Variants in FHIT observed in about 807,000 individuals in gnomAD.
The protein encoded by FHIT is bis(5'-adenosyl)-triphosphatase.
A neutral mutation model predicts 17.9 loss-of-function variants in FHIT; 19 were observed. That is an observed-to-expected ratio of 1.06 (90% CI 0.74 to 1.56). The LOEUF (loss-of-function observed/expected upper bound fraction) is 1.56. Ranked by LOEUF, FHIT falls within the 40% of genes most tolerant of loss-of-function variation. FHIT has a pLI of 0.00. For synonymous variants in FHIT, 81 were observed against 69.7 expected (o/e 1.16, Z -0.81); for missense variants, 248 against 189.2 (o/e 1.31, Z -1.82).
intron 2 of FHIT, among the ~76,000 whole-genome samples, chr3:61,192,581 G>A (rs760259406): frequency 1.4e-4 from 21 of 152,254 alleles, no homozygotes; most frequent in South Asian, 8.3e-4. Context: ...CCTATTGTTT[G>A]AACCATTTCA....
intron 5 of FHIT, among the ~76,000 whole-genome samples, chr3:60,283,280 G>A (rs1397718108): frequency 2.0e-5 from 3 of 151,836 alleles, no homozygotes; most frequent in Admixed American, 1.3e-4. Context: ...ATCAGGAAAT[G>A]CTCAACTTTG....
intron 8 of FHIT, among the ~76,000 whole-genome samples, chr3:59,875,123 GAA>G (rs1372278668): frequency 6.6e-6 from 1 of 152,224 alleles, no homozygotes; most frequent in African/African-American, 2.4e-5. Context: ...GTCCAGAGGA[GAA>G]GAGTGCTTTG....
At chr3:60,397,693 T>G (rs1701502269) in intron 5 of FHIT, among the ~76,000 whole-genome samples, 1 of 152,138 alleles carries the variant, frequency 6.6e-6, no homozygotes, top group African/African-American at 2.4e-5. Flanking sequence ...AGGTCCCCAG[T>G]GCAACCCCAC....
intron 4 of FHIT, among the ~76,000 whole-genome samples, chr3:60,759,657 A>C (rs568464660): frequency 1.3e-5 from 2 of 152,320 alleles, no homozygotes; most frequent in East Asian, 1.9e-4. Flanking sequence ...ACTGAAAAAA[A>C]AGTATGTCAC....
intron 5 of FHIT, among the ~76,000 whole-genome samples, chr3:60,206,149 A>AATAGTAATAATAATAATAAT (rs1553712155): frequency 1.1e-5 from 1 of 94,142 alleles, no homozygotes; most frequent in Non-Finnish European, 2.1e-5. Context: ...AAAAAAAAAT[A>AATAGTAATAATAATAATAAT]AATAATAATA....
intron 5 of FHIT, among the ~76,000 whole-genome samples, chr3:60,141,594 G>A (rs1315109240): frequency 6.6e-6 from 1 of 152,096 alleles, no homozygotes; most frequent in East Asian, 1.9e-4. Context: ...TAGCTTCTAA[G>A]TGATATGTCA....
chr3:60,345,650 A>G (rs918403571), intron 5 of FHIT, among the ~76,000 whole-genome samples: 5 of 152,322 alleles, frequency 3.3e-5, no homozygotes, highest in African/African-American at 1.2e-4. Context: ...TATCGTCTCA[A>G]GATAGAAACA....
At chr3:60,780,971 A>G (rs149416706) in intron 4 of FHIT, among the ~76,000 whole-genome samples, 9 of 152,208 alleles carry the variant, frequency 5.9e-5, no homozygotes, top group East Asian at 1.9e-4. Context: ...TTTTCACCCA[A>G]TAAAACCTTG....
chr3:60,008,349 T>G (rs745714078), intron 7 of FHIT, among the ~76,000 whole-genome samples: 1 of 152,200 alleles, frequency 6.6e-6, no homozygotes, highest in African/African-American at 2.4e-5. Context: ...AAAGGAGAGT[T>G]AATAATCAAT....
intron 4 of FHIT, among the ~76,000 whole-genome samples, chr3:60,739,615 C>G (rs1183454398): frequency 2.0e-5 from 3 of 152,146 alleles, no homozygotes; most frequent in Non-Finnish European, 4.4e-5. Flanking sequence ...GATGTTCATC[C>G]CTGGCCTCTA....
At chr3:59,989,159 T>C (rs2687896) in intron 7 of FHIT, among the ~76,000 whole-genome samples, 148,785 of 152,072 alleles carry the variant, frequency 0.98, 72,859 homozygotes, top group East Asian at 1. Flanking sequence ...CAATGGCAGA[T>C]AAATTTCCTT....
In FHIT at chr3:59,802,072, C is replaced by T. The variant is rs531467484; in HGVS notation, c.349-49751G>A. On this transcript the variant is annotated intron_variant, in intron 8 of 9. Transcript: ENST00000492590. ...GTATTCACCTTGGTGTAGTATATGC[C>T]ACAGGCTGCCACATGGCAGGTGCCA... 2.6e-5 allele frequency among the ~76,000 whole-genome samples: 4 copies of T among 152,308 alleles called. No homozygotes were observed. The South Asian group carries it at 8.3e-4, about 32-fold the overall frequency.
intron 3 of FHIT, among the ~76,000 whole-genome samples, chr3:60,906,374 G>T (rs545905963): frequency 6.6e-6 from 1 of 152,296 alleles, no homozygotes; most frequent in South Asian, 2.1e-4. Flanking sequence ...TGGTTGAGTT[G>T]TACATGGTAA....
At chr3:60,943,686 C>T (rs797034039) in intron 3 of FHIT, among the ~76,000 whole-genome samples, 3 of 152,276 alleles carry the variant, frequency 2.0e-5, no homozygotes, top group African/African-American at 7.2e-5. Flanking sequence ...TATGGCCTCT[C>T]ACTGAACCAA....
intron 5 of FHIT, among the ~76,000 whole-genome samples, chr3:60,205,159 G>C (rs1703114781): frequency 6.6e-6 from 1 of 151,874 alleles, no homozygotes; most frequent in African/African-American, 2.4e-5. Flanking sequence ...CCACACAAAG[G>C]CTGGATCCCA....
chr3:60,544,890 C>T (rs1207067113), intron 4 of FHIT, among the ~76,000 whole-genome samples: 1 of 152,176 alleles, frequency 6.6e-6, no homozygotes, highest in Non-Finnish European at 1.5e-5. Flanking sequence ...AGCCACTGTG[C>T]TCAGCCAACT....
chr3:59,866,654 G>T (rs1467004623), intron 8 of FHIT, among the ~76,000 whole-genome samples: 1 of 152,168 alleles, frequency 6.6e-6, no homozygotes, highest in Non-Finnish European at 1.5e-5. Flanking sequence ...AATCTGATGG[G>T]ACTAAAGGAT....
intron 3 of FHIT, among the ~76,000 whole-genome samples, chr3:60,912,146 A>ATAC (rs1246933818): frequency 6.6e-6 from 1 of 152,174 alleles, no homozygotes; most frequent in African/African-American, 2.4e-5. Context: ...AAAAATATGT[A>ATAC]TACTACTACT....
At chr3:61,059,373 T>C (rs11359504) in intron 2 of FHIT, among the ~76,000 whole-genome samples, 1 of 58,396 alleles carries the variant, frequency 1.7e-5, no homozygotes, top group East Asian at 2.9e-4. Flanking sequence ...TGCTTTTTCC[T>C]TTTTTTTTTT....
Sources: gnomAD v4.1 joint callset for allele counts (sites outside exome capture counted in the v4.1 genomes callset) on GRCh38, gnomAD v4.1.1 for gene constraint, MANE v1.5 for transcripts, NCBI Gene and HGNC (gene_info 2026-07-23, HGNC 2026-07-21) for gene names.